SLC35F4: variants seen among roughly 807,000 people sequenced by gnomAD.
SLC35F4 encodes chromosome 14 open reading frame 36.
SLC35F4 carries 24 observed loss-of-function variants against 44.2 expected under a neutral mutation model. The observed-to-expected ratio is 0.54, with a 90% CI of 0.39 to 0.76. The LOEUF is 0.76. Among genes scored for constraint, SLC35F4 ranks in the 30% least tolerant of loss-of-function variants. The pLI, the probability that SLC35F4 is intolerant of heterozygous loss-of-function variation, is 0.00. For synonymous variants in SLC35F4, 238 were observed against 223.6 expected (o/e 1.06, Z -0.57); for missense variants, 562 against 586.1 (o/e 0.96, Z 0.42).
At chr14:57,932,517 T>C (rs556296457) in intron 1 of SLC35F4, among the ~76,000 whole-genome samples, 1 of 152,316 alleles carries the variant, frequency 6.6e-6, no homozygotes, top group East Asian at 1.9e-4. Flanking sequence ...AATCATTCAC[T>C]GGGACAACAG....
At chr14:57,832,744 A>G (rs1884507392) in intron 1 of SLC35F4, among the ~76,000 whole-genome samples, 1 of 147,916 alleles carries the variant, frequency 6.8e-6, no homozygotes, top group Admixed American at 6.8e-5. Flanking sequence ...GAGGGAAAAG[A>G]GAACACAAAT....
intron 1 of SLC35F4, among the ~76,000 whole-genome samples, chr14:57,831,519 G>T (rs1595164638): frequency 6.6e-6 from 1 of 152,256 alleles, no homozygotes; most frequent in African/African-American, 2.4e-5. Flanking sequence ...AAGCCACCCA[G>T]TACAGACAGC....
At chr14:57,646,053 A>C (rs575266961) in intron 1 of SLC35F4, among the ~76,000 whole-genome samples, 1 of 152,312 alleles carries the variant, frequency 6.6e-6, no homozygotes, top group Admixed American at 6.5e-5. Context: ...TTTTGTACCA[A>C]TGTTCATCAA....
At chr14:57,771,571 C>CAA (rs1174855468) in intron 1 of SLC35F4, among the ~76,000 whole-genome samples, 1 of 31,538 alleles carries the variant, frequency 3.2e-5, no homozygotes, top group East Asian at 2.8e-3. Flanking sequence ...CAAATTTTTT[C>CAA]AACTTTTAAT....
chr14:57,705,497 T>A (rs2075650342), intron 1 of SLC35F4, among the ~76,000 whole-genome samples: 6 of 152,212 alleles, frequency 3.9e-5, no homozygotes, highest in Admixed American at 6.5e-5. Context: ...TCTTATGATA[T>A]GGGCTTTCTA....
intron 1 of SLC35F4, among the ~76,000 whole-genome samples, chr14:57,654,715 T>C (rs868417195): frequency 5.3e-5 from 8 of 152,212 alleles, no homozygotes; most frequent in African/African-American, 1.9e-4. Flanking sequence ...ACCAGCAATG[T>C]AGCATAGTTC....
intron 1 of SLC35F4, among the ~76,000 whole-genome samples, chr14:57,732,049 C>A (rs943726288): frequency 3.3e-5 from 5 of 152,020 alleles, no homozygotes; most frequent in African/African-American, 1.2e-4. Flanking sequence ...AGGGTTAGGT[C>A]AAAATTTAAG....
At chr14:57,802,985 C>CAAA (rs59647111) in intron 1 of SLC35F4, among the ~76,000 whole-genome samples, 57 of 71,264 alleles carry the variant, frequency 8.0e-4, no homozygotes, top group African/African-American at 3.2e-3. Flanking sequence ...GCAGAGATAC[C>CAAA]AAAAAAAAAA....
chr14:57,564,358 T>C lies in SLC35F4; in HGVS notation c.1235A>G (p.Gln412Arg). 1 of 1,607,518 alleles carries C rather than the reference T, an allele frequency of 6.2e-7. No homozygotes were observed. The highest frequency in any genetic ancestry group is 1.1e-5 in the South Asian group (1 of 89,530). The change falls in exon 8 of 8, where the codon CAG (glutamine) becomes CGG (arginine). Residue 412 changes from glutamine to arginine, a missense_variant. Gln to Arg is a conservative substitution (Grantham distance 43). Coordinates refer to ENST00000556826, the MANE Select transcript of SLC35F4 (RefSeq NM_001306087.2). ...GCGGACAACATTGAATATCACCTCC[T>C]GCTTTAGGAGATCCACAGCTAGGAA... ...PGNAAVDLLK[Q>R]EVIFNVVRLA...
At chr14:57,573,270 C>G (rs1419838330) in intron 4 of SLC35F4, among the ~76,000 whole-genome samples, 3 of 152,144 alleles carry the variant, frequency 2.0e-5, no homozygotes, top group Non-Finnish European at 4.4e-5. Flanking sequence ...AAGCAAGGGC[C>G]CACTTGGTTT....
intron 1 of SLC35F4, among the ~76,000 whole-genome samples, chr14:57,964,991 A>AAAATATATATATAT (rs1555331532): frequency 7.8e-5 from 9 of 115,674 alleles, no homozygotes; most frequent in African/African-American, 3.3e-4. Flanking sequence ...AAAAAAAAAA[A>AAAATATATATATAT]ATATATATAT....
At chr14:57,713,572 A>C (rs8020764) in intron 1 of SLC35F4, among the ~76,000 whole-genome samples, 7,096 of 152,280 alleles carry the variant, frequency 0.047, 215 homozygotes, top group South Asian at 0.087. Context: ...GTGCCAGAAC[A>C]AAACTGGGTA....
intron 1 of SLC35F4, among the ~76,000 whole-genome samples, chr14:57,679,264 C>A (rs926677115): frequency 6.6e-6 from 1 of 152,044 alleles, no homozygotes; most frequent in Non-Finnish European, 1.5e-5. Flanking sequence ...CAACCTGCTC[C>A]TGAATGACTA....
chr14:57,571,786 A>C, intron 5 of SLC35F4, 108 bp downstream of exon 5: 1 of 1,400,682 alleles, frequency 7.1e-7, no homozygotes, highest in South Asian at 1.5e-5. Flanking sequence ...TATTATTTCA[A>C]CACATCTATT....
chr14:57,719,312 G>T (rs1333650469), intron 1 of SLC35F4, among the ~76,000 whole-genome samples: 1 of 151,992 alleles, frequency 6.6e-6, no homozygotes, highest in Non-Finnish European at 1.5e-5. Flanking sequence ...TGGGTCCTTT[G>T]TGATTCCATA....
chr14:57,857,756 G>A (rs1015729489), intron 1 of SLC35F4, among the ~76,000 whole-genome samples: 5 of 152,006 alleles, frequency 3.3e-5, no homozygotes, highest in Non-Finnish European at 7.4e-5. Flanking sequence ...TAGCCAGCCT[G>A]GGGCATTTGG....
intron 1 of SLC35F4, among the ~76,000 whole-genome samples, chr14:57,891,403 G>C (rs1025272701): frequency 6.6e-6 from 1 of 152,044 alleles, no homozygotes; most frequent in African/African-American, 2.4e-5. Context: ...CTGTATCTCA[G>C]CTACTCAGGA....
intron 1 of SLC35F4, chr14:57,837,785 T>C (rs1390828826): frequency 1.3e-5 from 2 of 152,212 alleles, no homozygotes; most frequent in Non-Finnish European, 2.9e-5. Flanking sequence ...AGCACTCTTT[T>C]CTGTGAATAA....
chr14:57,946,747 A>G (rs527739751), intron 1 of SLC35F4, among the ~76,000 whole-genome samples: 7 of 152,066 alleles, frequency 4.6e-5, no homozygotes, highest in Non-Finnish European at 1.0e-4. Flanking sequence ...CAGTGCTGGG[A>G]TTACAGGCAT....
Sources: gnomAD v4.1 joint callset for allele counts (sites outside exome capture counted in the v4.1 genomes callset) on GRCh38, gnomAD v4.1.1 for gene constraint, MANE v1.5 for transcripts, NCBI Gene and HGNC (gene_info 2026-07-23, HGNC 2026-07-21) for gene names.